Variants in SRRM4 observed in about 807,000 individuals in gnomAD.
The protein encoded by SRRM4 is serine/arginine repetitive matrix protein 4.
In SRRM4, 33 loss-of-function variants were observed where a neutral mutation model predicts 68.9. The ratio of observed to expected loss-of-function variants is 0.48; its 90% CI spans 0.36 to 0.64. The LOEUF (loss-of-function observed/expected upper bound fraction) is 0.64. Ranked by LOEUF, SRRM4 falls within the 30% of genes least tolerant of loss-of-function variation. The pLI, the probability that SRRM4 is intolerant of heterozygous loss-of-function variation, is 0.00. For synonymous variants in SRRM4, 318 were observed against 318.8 expected (o/e 1.00, Z 0.03); for missense variants, 817 against 827.1 (o/e 0.99, Z 0.15).
intron 1 of SRRM4, among the ~76,000 whole-genome samples, chr12:119,032,165 T>A (rs1430497171): frequency 3.3e-5 from 5 of 152,174 alleles, no homozygotes; most frequent in Non-Finnish European, 7.3e-5. Flanking sequence ...ATAGTGTGTA[T>A]CCTGACTGGG....
chr12:119,130,944 A>C, intron 8 of SRRM4, 110 bp downstream of exon 8: 1 of 1,142,392 alleles, frequency 8.8e-7, no homozygotes, highest in Non-Finnish European at 1.2e-6. Flanking sequence ...TTTCTGACAA[A>C]ATATCCCACT....
rs750188540 is a variant in SRRM4, at chr12:119,156,636, C to A, written c.1674C>A (p.Ser558Arg). 43 of 1,597,640 alleles carry A rather than the reference C, an allele frequency of 2.7e-5. No homozygotes were observed. In the South Asian group the frequency reaches 3.1e-4, roughly 11 times the overall value. ...CCCGGAGCCGGAGTCGGAGCCGGAG[C>A]CGGAGACGGAGCCGGACCCGCACGA... ...SYSRSRSRSR[S>R]RRRSRTRTSS... Residue 558 changes from serine to arginine, a missense_variant, in exon 13 of 13, where the codon AGC becomes AGA. Physicochemically the swap from Ser to Arg is moderately radical, Grantham distance 110 (BLOSUM62 -1). Coordinates refer to ENST00000267260, the MANE Select transcript of SRRM4 (RefSeq NM_194286.4).
At chr12:119,044,761 T>C (rs186954879) in intron 1 of SRRM4, among the ~76,000 whole-genome samples, 203 of 152,214 alleles carry the variant, frequency 1.3e-3, no homozygotes, top group African/African-American at 4.6e-3. Flanking sequence ...ACAAAGTGCT[T>C]GATATATTAT....
intron 1 of SRRM4, among the ~76,000 whole-genome samples, chr12:119,092,916 T>C (rs7306264): frequency 0.67 from 101,644 of 151,878 alleles, 34,230 homozygotes; most frequent in Middle Eastern, 0.77. Context: ...TAATCTCCCC[T>C]TTGCTCCCTC....
rs372447432 is a variant in SRRM4, at chr12:119,006,948, G to A, written c.131+24935G>A. On this transcript the variant is annotated intron_variant, in intron 1 of 12. Coordinates refer to ENST00000267260, the MANE Select transcript of SRRM4 (RefSeq NM_194286.4). ...GAGCTGTGTGGGCTGGGAGGAGCCC[G>A]TGAGAAGGCAGGGCCTGCTTGGGAT... Among the ~76,000 whole-genome samples the A allele has an allele frequency of 9.2e-5, 14 of 152,202 alleles. No individual in the cohort carries two copies. In the East Asian group the frequency reaches 2.1e-3, roughly 23 times the overall value.
chr12:119,114,394 G>A, intron 3 of SRRM4, 30 bp downstream of exon 3: 1 of 1,563,474 alleles, frequency 6.4e-7, no homozygotes, highest in Non-Finnish European at 8.7e-7. Flanking sequence ...GATAAAACCT[G>A]TAAGATGCAG....
At chr12:118,991,418 C>T (rs76261755) in intron 1 of SRRM4, among the ~76,000 whole-genome samples, 4,774 of 152,280 alleles carry the variant, frequency 0.031, 278 homozygotes, top group African/African-American at 0.11. Context: ...AGTCATACCC[C>T]TCATTACAGA....
Position 118,982,679 on chromosome 12 carries a change from G to GTT in SRRM4, c.131+681_131+682dup, listed in dbSNP as rs370087102. ...GAAGAGTTTTATTTTGTTTTTTTTTGTTTTTTTTTTTTTTTTCCAAAAAGA... is the reference window on the plus strand; with the variant it reads ...GAAGAGTTTTATTTTGTTTTTTTTTGTTTTTTTTTTTTTTTTTTCCAAAAAGA... On this transcript the variant is annotated intron_variant, in intron 1 of 12. Coordinates refer to ENST00000267260, the MANE Select transcript of SRRM4 (RefSeq NM_194286.4). Among the ~76,000 whole-genome samples the GTT allele has an allele frequency of 7.4e-3, 757 of 102,122 alleles. 12 individuals are homozygous for GTT. The highest frequency in any genetic ancestry group is 0.022 in the African/African-American group (676 of 30,244). The allele number at this position is 102,122 out of a possible 152,430, so 67.0% of individuals were successfully genotyped here. A position where few individuals can be genotyped will look rare whatever the true frequency, so the allele number is the denominator to read the frequency against.
In SRRM4 at chr12:119,044,893, C is replaced by T. The variant is rs376464937; in HGVS notation, c.132-57343C>T. 8.5e-5 allele frequency among the ~76,000 whole-genome samples: 13 copies of T among 152,262 alleles called. No individual in the cohort carries two copies. The East Asian group carries it at 1.4e-3, about 16-fold the overall frequency. On this transcript the variant is annotated intron_variant, in intron 1 of 12. Coordinates refer to ENST00000267260, the MANE Select transcript of SRRM4 (RefSeq NM_194286.4). ...AGTGGGTATGAATGTGAACTCTATG[C>T]ATCAGAATGCCTGGGTTTGGTTCCC...
At chr12:119,072,850 C>T (rs963027371) in intron 1 of SRRM4, among the ~76,000 whole-genome samples, 2 of 152,162 alleles carry the variant, frequency 1.3e-5, no homozygotes, top group Admixed American at 1.3e-4. Flanking sequence ...TGATTCCTAC[C>T]CCCATTGTAC....
At chr12:119,047,117 T>C (rs1953712704) in intron 1 of SRRM4, among the ~76,000 whole-genome samples, 1 of 151,502 alleles carries the variant, frequency 6.6e-6, no homozygotes, top group African/African-American at 2.4e-5. Context: ...TGCTGGATAA[T>C]CTTGGGAAAA....
intron 1 of SRRM4, among the ~76,000 whole-genome samples, chr12:119,056,973 G>C (rs571467673): frequency 6.6e-6 from 1 of 152,112 alleles, no homozygotes; most frequent in Non-Finnish European, 1.5e-5. Flanking sequence ...GAAGGAAGGA[G>C]AGATAGGTTT....
intron 8 of SRRM4, among the ~76,000 whole-genome samples, chr12:119,134,016 A>C (rs1043953451): frequency 1.3e-5 from 2 of 152,142 alleles, no homozygotes; most frequent in Non-Finnish European, 2.9e-5. Context: ...GGGGAAAATA[A>C]AGACTAGAGT....
intron 1 of SRRM4, among the ~76,000 whole-genome samples, chr12:119,079,866 G>T (rs1386583441): frequency 7.0e-6 from 1 of 142,854 alleles, no homozygotes; most frequent in East Asian, 2.0e-4. Flanking sequence ...ATACAAGGCC[G>T]TATATGAAAT....
intron 1 of SRRM4, among the ~76,000 whole-genome samples, chr12:119,007,806 A>C (rs966431717): frequency 1.2e-4 from 18 of 151,762 alleles, no homozygotes; most frequent in Admixed American, 6.6e-4. Flanking sequence ...GACCAATCCC[A>C]CTCCAAGAGG....
chr12:119,087,734 G>A (rs562454184), intron 1 of SRRM4, among the ~76,000 whole-genome samples: 6 of 152,230 alleles, frequency 3.9e-5, no homozygotes, highest in South Asian at 4.1e-4. Flanking sequence ...GACATGATCC[G>A]CAGTGGAAAG....
intron 6 of SRRM4, among the ~76,000 whole-genome samples, chr12:119,125,120 G>A (rs2136054718): frequency 6.6e-6 from 1 of 152,184 alleles, no homozygotes; most frequent in Admixed American, 6.5e-5. Flanking sequence ...TGGGGAGCAG[G>A]GAGGGCCCTG....
intron 1 of SRRM4, among the ~76,000 whole-genome samples, chr12:119,073,431 G>A (rs11064653): frequency 0.57 from 86,655 of 151,392 alleles, 25,773 homozygotes; most frequent in Middle Eastern, 0.76. Context: ...GGATTCAAGC[G>A]ATTCTTCTTT....
chr12:119,032,440 G>A (rs1953597917), intron 1 of SRRM4, among the ~76,000 whole-genome samples: 1 of 152,170 alleles, frequency 6.6e-6, no homozygotes, highest in South Asian at 2.1e-4. Flanking sequence ...AATTACATCT[G>A]TAATGAGTAT....
Sources: gnomAD v4.1 joint callset for allele counts (sites outside exome capture counted in the v4.1 genomes callset) on GRCh38, gnomAD v4.1.1 for gene constraint, MANE v1.5 for transcripts, NCBI Gene and HGNC (gene_info 2026-07-23, HGNC 2026-07-21) for gene names.